Variants in ZBTB37 observed in about 807,000 individuals in gnomAD.
ZBTB37 encodes zinc finger and BTB domain-containing protein 37.
ZBTB37 carries 15 observed loss-of-function variants against 37.7 expected under a neutral mutation model. That is an observed-to-expected ratio of 0.40 (90% confidence interval 0.27 to 0.61). The LOEUF is 0.61. ZBTB37 is among the 20% of genes least tolerant of loss of function. ZBTB37 has a pLI of 0.44. For missense variants in ZBTB37, 514 were observed against 641.9 expected (o/e 0.80, Z 2.15); for synonymous variants, 231 against 220.6 (o/e 1.05, Z -0.42).
chr1:173,885,655 T>C (rs945743529), exon 5 of ZBTB37: 2 of 1,551,814 alleles, frequency 1.3e-6, no homozygotes, highest in Admixed American at 3.9e-5. Flanking sequence ...TCAGCAATGA[T>C]GGGAGTAAGT....
At chr1:173,888,616 C>T (rs1045278240), downstream of ZBTB37, 5 of 151,656 alleles carry the variant, frequency 3.3e-5, no homozygotes, top group Non-Finnish European at 4.4e-5. Context: ...TTTGTAGAGA[C>T]GGTGTCTCTA....
intron 3 of ZBTB37, among the ~76,000 whole-genome samples, chr1:173,872,694 A>T (rs927199827): frequency 6.6e-6 from 1 of 152,060 alleles, no homozygotes; most frequent in African/African-American, 2.4e-5. Context: ...TGGAAATAAA[A>T]TTTTAAAAAA....
At chr1:173,882,821 T>G (rs1231791815) in intron 4 of ZBTB37, among the ~76,000 whole-genome samples, 2 of 152,226 alleles carry the variant, frequency 1.3e-5, no homozygotes, top group African/African-American at 4.8e-5. Flanking sequence ...CCCAGCACCA[T>G]TTATTAAATA....
At chr1:173,893,854 A>G (rs188269385) in exon 4 of ZBTB37, 2 of 152,318 alleles carry the variant, frequency 1.3e-5, no homozygotes, top group Admixed American at 1.3e-4. Context: ...TAATTATATC[A>G]TATTTTATAG....
chr1:173,902,786 G>C (rs939744235), exon 4 of ZBTB37: 1 of 152,142 alleles, frequency 6.6e-6, no homozygotes, highest in African/African-American at 2.4e-5. Context: ...CAGGAGGAGA[G>C]TTAAGGAGGG....
At chr1:173,881,829 C>T (rs548094496) in intron 4 of ZBTB37, among the ~76,000 whole-genome samples, 35 of 152,074 alleles carry the variant, frequency 2.3e-4, no homozygotes, top group African/African-American at 5.3e-4. Flanking sequence ...CCGAGGCGGG[C>T]GGATCACAAG....
At chr1:173,883,789 A>G (rs903862199) in intron 4 of ZBTB37, among the ~76,000 whole-genome samples, 12 of 152,346 alleles carry the variant, frequency 7.9e-5, no homozygotes, top group African/African-American at 1.9e-4. Context: ...AACTGCCTCT[A>G]TTGGAAAGGC....
intron 4 of ZBTB37, among the ~76,000 whole-genome samples, chr1:173,878,534 A>G (rs1005682485): frequency 2.0e-5 from 3 of 152,202 alleles, no homozygotes; most frequent in Admixed American, 1.3e-4. Context: ...CACCCCAGTG[A>G]TGGGGTCACC....
exon 4 of ZBTB37, chr1:173,902,511 G>A (rs900329488): frequency 1.3e-5 from 2 of 152,354 alleles, no homozygotes; most frequent in Middle Eastern, 3.4e-3. Flanking sequence ...CCTCGGGAAA[G>A]TCAGTGAACC....
At chr1:173,870,014 G>A (rs1655434453) in intron 2 of ZBTB37, among the ~76,000 whole-genome samples, 186 bp from the exon 3 acceptor site, 1 of 152,128 alleles carries the variant, frequency 6.6e-6, no homozygotes, top group Admixed American at 6.5e-5. Context: ...ATGTCCTCCT[G>A]TGAAACTTAA....
intron 4 of ZBTB37, among the ~76,000 whole-genome samples, chr1:173,884,358 A>G (rs985465077): frequency 6.6e-6 from 1 of 152,022 alleles, no homozygotes; most frequent in Non-Finnish European, 1.5e-5. Flanking sequence ...GGGTCTTGCT[A>G]TATTGCCCAG....
At chr1:173,895,529 T>C (rs1477559236) in exon 4 of ZBTB37, 1 of 152,190 alleles carries the variant, frequency 6.6e-6, no homozygotes, top group Non-Finnish European at 1.5e-5. Flanking sequence ...CAACAGGAGT[T>C]TCTATTGGGT....
At chr1:173,875,116 ATGTG>A (rs71111072) in intron 4 of ZBTB37, among the ~76,000 whole-genome samples, 28,843 of 136,724 alleles carry the variant, frequency 0.21, 3,075 homozygotes, top group South Asian at 0.25. Context: ...TCTGATTATT[ATGTG>A]TGTGTGTGTG....
chr1:173,883,651 C>T (rs1656459384), intron 4 of ZBTB37, among the ~76,000 whole-genome samples: 1 of 152,116 alleles, frequency 6.6e-6, no homozygotes, highest in Admixed American at 6.6e-5. Context: ...TTTATGTGAA[C>T]TCAGTTTTTT....
chr1:173,896,666 C>G (rs138733066), exon 4 of ZBTB37: 141 of 152,348 alleles, frequency 9.3e-4, no homozygotes, highest in African/African-American at 3.1e-3. Context: ...CAAGCTAATA[C>G]AACAACCTGA....
chr1:173,889,859 A>G (rs967668671), downstream of ZBTB37: 2 of 152,182 alleles, frequency 1.3e-5, no homozygotes, highest in Non-Finnish European at 2.9e-5. Context: ...GTTAAGGAAA[A>G]TTTTATTTTT....
At chr1:173,870,427 A>G in exon 3 of ZBTB37, 1 of 1,614,194 alleles carries the variant, frequency 6.2e-7, no homozygotes, top group Non-Finnish European at 8.5e-7. Flanking sequence ...TGAGATGAGT[A>G]CAGTCTCCAT....
At chr1:173,870,968 A>C (rs1367096512) in exon 3 of ZBTB37, 1 of 1,614,234 alleles carries the variant, frequency 6.2e-7, no homozygotes, top group Admixed American at 1.7e-5. Flanking sequence ...ATCAAAACTG[A>C]AAATCTGGAG....
At chr1:173,903,535 G>A in exon 4 of ZBTB37, 1 of 268,434 alleles carries the variant, frequency 3.7e-6, no homozygotes, top group Non-Finnish European at 7.3e-6. Context: ...AGAATTAAAT[G>A]GTTTAATACT....
Sources: allele counts gnomAD v4.1 joint callset (sites outside exome capture counted in the v4.1 genomes callset), GRCh38; gene constraint gnomAD v4.1.1; transcripts MANE v1.5; gene names NCBI Gene and HGNC (gene_info 2026-07-23, HGNC 2026-07-21).